Variants in LPP observed in about 807,000 individuals in gnomAD.
LPP encodes LIM domain containing preferred translocation partner in lipoma.
In LPP, 38 loss-of-function variants were observed where a neutral mutation model predicts 60.4. The observed-to-expected ratio is 0.63, with a 90% CI of 0.49 to 0.83. LPP has a LOEUF of 0.83. Ranked by LOEUF, LPP falls within the 40% of genes least tolerant of loss-of-function variation. The pLI, the probability that LPP is intolerant of heterozygous loss-of-function variation, is 0.00. For missense variants in LPP, 902 were observed against 783.6 expected (o/e 1.15, Z -1.80); for synonymous variants, 328 against 290.8 (o/e 1.13, Z -1.30).
At chr3:188,804,094 A>G (rs552388541) in intron 9 of LPP, among the ~76,000 whole-genome samples, 15 of 150,936 alleles carry the variant, frequency 9.9e-5, no homozygotes, top group Non-Finnish European at 2.1e-4. Context: ...TGCAATTTCA[A>G]GTATTCATTG....
chr3:188,426,261 T>G (rs1789317453), intron 4 of LPP, among the ~76,000 whole-genome samples: 1 of 152,204 alleles, frequency 6.6e-6, no homozygotes, highest in South Asian at 2.1e-4. Flanking sequence ...GTTGTTCGGT[T>G]TTGAGTGAGT....
At chr3:188,483,942 A>G (rs1300202060) in intron 4 of LPP, among the ~76,000 whole-genome samples, 1 of 152,114 alleles carries the variant, frequency 6.6e-6, no homozygotes, top group Non-Finnish European at 1.5e-5. Flanking sequence ...AACATGTAAA[A>G]ACCTTAATTT....
At chr3:188,321,295 G>T (rs1045226610) in intron 2 of LPP, among the ~76,000 whole-genome samples, 1 of 152,218 alleles carries the variant, frequency 6.6e-6, no homozygotes, top group African/African-American at 2.4e-5. Flanking sequence ...CACTTGAAAG[G>T]TGGCTAGTGC....
chr3:188,230,951 A>T (rs972446284), intron 2 of LPP, among the ~76,000 whole-genome samples: 1 of 152,132 alleles, frequency 6.6e-6, no homozygotes, highest in African/African-American at 2.4e-5. Flanking sequence ...TACCAAGCAC[A>T]TCGCATGATG....
chr3:188,753,890 A>G (rs908592309), intron 8 of LPP, among the ~76,000 whole-genome samples: 4 of 152,210 alleles, frequency 2.6e-5, no homozygotes, highest in South Asian at 2.1e-4. Context: ...AAGCCTCTCT[A>G]TAGAATCAGA....
intron 6 of LPP, among the ~76,000 whole-genome samples, chr3:188,608,069 G>T (rs779684996): frequency 3.3e-5 from 5 of 152,108 alleles, no homozygotes; most frequent in Non-Finnish European, 5.9e-5. Flanking sequence ...TGGTAGAGAA[G>T]CTGTGCACAA....
At chr3:188,381,107 A>G (rs1249735083) in intron 3 of LPP, among the ~76,000 whole-genome samples, 2 of 152,196 alleles carry the variant, frequency 1.3e-5, no homozygotes, top group African/African-American at 4.8e-5. Context: ...ATAAATGGGT[A>G]GTGGAGGCCC....
intron 1 of LPP, among the ~76,000 whole-genome samples, chr3:188,162,987 A>G (rs886674902): frequency 2.6e-5 from 4 of 152,140 alleles, no homozygotes; most frequent in African/African-American, 9.7e-5. Flanking sequence ...ACAGTTGAGT[A>G]TAGTGTGCCC....
intron 7 of LPP, among the ~76,000 whole-genome samples, chr3:188,660,350 A>G (rs79785484): frequency 0.03 from 4,506 of 152,314 alleles, 86 homozygotes; most frequent in South Asian, 0.095. Context: ...GCTTCAACCT[A>G]TCTAAAAGCA....
chr3:188,475,419 G>T (rs749736462), intron 4 of LPP, among the ~76,000 whole-genome samples: 4 of 151,866 alleles, frequency 2.6e-5, no homozygotes, highest in South Asian at 2.1e-4. Flanking sequence ...CTTATTTTTG[G>T]TTTTTTAAAA....
At chr3:188,728,658 C>G (rs547513631) in intron 8 of LPP, among the ~76,000 whole-genome samples, 2 of 152,142 alleles carry the variant, frequency 1.3e-5, no homozygotes, top group South Asian at 4.1e-4. Context: ...AATTTCTGTT[C>G]CTTTGATAAC....
chr3:188,648,078 A>G (rs1309043824), intron 7 of LPP, among the ~76,000 whole-genome samples: 1 of 152,190 alleles, frequency 6.6e-6, no homozygotes, highest in Non-Finnish European at 1.5e-5. Context: ...AACACTACAT[A>G]AATAGGAAAA....
chr3:188,276,079 A>T (rs183436843), intron 2 of LPP, among the ~76,000 whole-genome samples: 1 of 152,254 alleles, frequency 6.6e-6, no homozygotes, highest in African/African-American at 2.4e-5. Context: ...ATGATTTGGC[A>T]AAAGTATGCT....
intron 6 of LPP, among the ~76,000 whole-genome samples, chr3:188,581,043 C>T (rs1307403967): frequency 1.3e-5 from 2 of 152,078 alleles, no homozygotes; most frequent in Non-Finnish European, 1.5e-5. Context: ...ATGTACAAAA[C>T]ACCTTCCCAG....
Position 188,592,197 on chromosome 3 carries a change from T to G in LPP, c.430-16964T>G, listed in dbSNP as rs546749102. On this transcript the variant is annotated intron_variant, in intron 6 of 11. Transcript: ENST00000617246. The stretch of plus-strand genomic sequence containing the variant: ...AGCATATGCATCTGTTAAAGCAGAT[T>G]GACTGCTTGGTTATCACACTATAAA... Among the ~76,000 whole-genome samples the G allele has an allele frequency of 2.6e-5, 4 of 152,318 alleles. No individual in the cohort carries two copies. The East Asian group carries it at 7.7e-4, about 29-fold the overall frequency.
chr3:188,851,113 A>G (rs990346255), intron 9 of LPP, among the ~76,000 whole-genome samples: 9 of 152,222 alleles, frequency 5.9e-5, no homozygotes, highest in Admixed American at 1.3e-4. Context: ...GTCCCTGGAC[A>G]TGGTATAAGC....
intron 5 of LPP, among the ~76,000 whole-genome samples, chr3:188,517,987 C>T (rs1009607661): frequency 6.6e-6 from 1 of 152,112 alleles, no homozygotes; most frequent in African/African-American, 2.4e-5. Flanking sequence ...CTCTTCCGCT[C>T]TCTCTCACCA....
chr3:188,689,575 C>T (rs111262229), intron 7 of LPP, among the ~76,000 whole-genome samples: 23 of 152,260 alleles, frequency 1.5e-4, no homozygotes, highest in Non-Finnish European at 1.6e-4. Flanking sequence ...TCTTTCTGTG[C>T]CTGGCTTATT....
intron 2 of LPP, among the ~76,000 whole-genome samples, chr3:188,321,965 C>A (rs931701303): frequency 1.3e-5 from 2 of 152,128 alleles, no homozygotes; most frequent in African/African-American, 4.8e-5. Context: ...GATTTAATTA[C>A]CATTCTCATC....
Sources: gnomAD v4.1 joint callset for allele counts (sites outside exome capture counted in the v4.1 genomes callset) on GRCh38, gnomAD v4.1.1 for gene constraint, MANE v1.5 for transcripts, NCBI Gene and HGNC (gene_info 2026-07-23, HGNC 2026-07-21) for gene names.